Variants in HS3ST4 observed in about 807,000 individuals in gnomAD.
HS3ST4 encodes the protein heparan sulfate glucosamine 3-O-sulfotransferase 4.
A neutral mutation model predicts 29.2 loss-of-function variants in HS3ST4; 17 were observed. The observed-to-expected ratio is 0.58, with a 90% CI of 0.40 to 0.87. The LOEUF is 0.87. HS3ST4 is among the 40% of genes least tolerant of loss of function. The probability of loss-of-function intolerance (pLI) is 0.00; values close to 1 mark genes in which losing one functional copy is unlikely to be tolerated. For synonymous variants in HS3ST4, 314 were observed against 285.7 expected (o/e 1.10, Z -1.00); for missense variants, 627 against 634.5 (o/e 0.99, Z 0.13).
At chr16:26,092,657 C>A (rs1898871057) in intron 1 of HS3ST4, among the ~76,000 whole-genome samples, 1 of 152,190 alleles carries the variant, frequency 6.6e-6, no homozygotes, top group African/African-American at 2.4e-5. Flanking sequence ...CTCCGGTCTG[C>A]AGCTCCCAGT....
At chr16:26,007,331 G>A (rs1015465046) in intron 1 of HS3ST4, among the ~76,000 whole-genome samples, 1 of 152,096 alleles carries the variant, frequency 6.6e-6, no homozygotes, top group Non-Finnish European at 1.5e-5. Flanking sequence ...TTTAAATTTT[G>A]CAAAACAGGA....
Position 25,933,326 on chromosome 16 carries a change from T to C in HS3ST4, c.735-202286T>C, listed in dbSNP as rs188001035. ...GATTAGAAAAGGTTAGTTTCTCTAA[T>C]TCTCTAACACTCTTCCTGGTGATAA... is the stretch of plus-strand genomic sequence containing the variant. On this transcript the variant is annotated intron_variant, in intron 1 of 1. Transcript: ENST00000331351. 5.0e-4 allele frequency: 252 copies of C among 507,088 alleles called. 1 individual carries two copies. The Middle Eastern group carries it at 7.4e-3, about 15-fold the overall frequency. The allele number at this position is 507,088 out of a possible 1,614,324, so 31.4% of individuals were successfully genotyped here.
intron 1 of HS3ST4, among the ~76,000 whole-genome samples, chr16:25,828,568 T>C (rs1434561804): frequency 6.6e-6 from 1 of 151,856 alleles, no homozygotes. Context: ...CTCGATCTCC[T>C]GGGCTCAAGC....
At chr16:26,060,492 TAC>T (rs1187517901) in intron 1 of HS3ST4, among the ~76,000 whole-genome samples, 11 of 152,174 alleles carry the variant, frequency 7.2e-5, no homozygotes, top group Non-Finnish European at 2.9e-5. Context: ...CTCAACATTT[TAC>T]AGTCTTCAGA....
chr16:26,055,404 T>C (rs1019818422), intron 1 of HS3ST4, among the ~76,000 whole-genome samples: 1 of 152,056 alleles, frequency 6.6e-6, no homozygotes, highest in East Asian at 1.9e-4. Flanking sequence ...ATTAGGAAGA[T>C]CTGGGCACTA....
chr16:26,113,311 C>A (rs1166294161), intron 1 of HS3ST4, among the ~76,000 whole-genome samples: 1 of 151,472 alleles, frequency 6.6e-6, no homozygotes, highest in Non-Finnish European at 1.5e-5. Flanking sequence ...CTGGGTGTAG[C>A]GGCGGGCACC....
intron 1 of HS3ST4, among the ~76,000 whole-genome samples, chr16:26,121,505 A>G (rs1392556910): frequency 1.3e-5 from 2 of 152,176 alleles, no homozygotes; most frequent in African/African-American, 4.8e-5. Context: ...ACTCAGACCC[A>G]TAGAAGGGTG....
chr16:25,781,345 G>A (rs972222445), intron 1 of HS3ST4, among the ~76,000 whole-genome samples: 1 of 152,130 alleles, frequency 6.6e-6, no homozygotes, highest in African/African-American at 2.4e-5. Flanking sequence ...AGTTGCTAGA[G>A]GTCCCTCATC....
intron 1 of HS3ST4, among the ~76,000 whole-genome samples, chr16:25,727,647 C>T (rs1966545548): frequency 6.6e-6 from 1 of 152,134 alleles, no homozygotes; most frequent in South Asian, 2.1e-4. Flanking sequence ...TACAATGCCC[C>T]ATTCACTTCC....
At chr16:25,818,464 G>A (rs1450078553) in intron 1 of HS3ST4, among the ~76,000 whole-genome samples, 1 of 152,166 alleles carries the variant, frequency 6.6e-6, no homozygotes, top group African/African-American at 2.4e-5. Context: ...TTGTTTAAAA[G>A]CTACTCAGTT....
chr16:26,096,330 A>G (rs1040109275), intron 1 of HS3ST4, among the ~76,000 whole-genome samples: 7 of 152,348 alleles, frequency 4.6e-5, no homozygotes, highest in East Asian at 1.9e-4. Context: ...ATAAATATCA[A>G]TGCAAAAATC....
At chr16:25,829,352 G>A (rs1967270609) in intron 1 of HS3ST4, among the ~76,000 whole-genome samples, 2 of 152,224 alleles carry the variant, frequency 1.3e-5, no homozygotes, top group African/African-American at 4.8e-5. Flanking sequence ...TATCAGGGCA[G>A]AGTAGGCACA....
chr16:25,696,432 C>A (rs565992960), intron 1 of HS3ST4, among the ~76,000 whole-genome samples: 1 of 152,192 alleles, frequency 6.6e-6, no homozygotes, highest in African/African-American at 2.4e-5. Flanking sequence ...ATACGGTAAC[C>A]ATGACCACTT....
intron 1 of HS3ST4, among the ~76,000 whole-genome samples, chr16:25,877,084 C>G (rs963549505): frequency 6.6e-6 from 1 of 151,884 alleles, no homozygotes; most frequent in Non-Finnish European, 1.5e-5. Context: ...AATTTTATTT[C>G]CTGCATCTTT....
At chr16:26,086,500 C>T (rs1280209755) in intron 1 of HS3ST4, among the ~76,000 whole-genome samples, 1 of 152,104 alleles carries the variant, frequency 6.6e-6, no homozygotes, top group Non-Finnish European at 1.5e-5. Context: ...CAGTCGCCTG[C>T]CACCATGCCC....
intron 1 of HS3ST4, among the ~76,000 whole-genome samples, chr16:25,830,758 T>C (rs1184224655): frequency 6.6e-6 from 1 of 151,808 alleles, no homozygotes; most frequent in Non-Finnish European, 1.5e-5. Flanking sequence ...CCCCAATTGG[T>C]CTACATCTAT....
At chr16:25,791,540 G>A (rs576097995) in intron 1 of HS3ST4, among the ~76,000 whole-genome samples, 1 of 152,210 alleles carries the variant, frequency 6.6e-6, no homozygotes, top group South Asian at 2.1e-4. Context: ...TTTAGTCTAA[G>A]AATGTGGTAT....
At chr16:25,842,079 C>T (rs1967419703) in intron 1 of HS3ST4, among the ~76,000 whole-genome samples, 1 of 152,182 alleles carries the variant, frequency 6.6e-6, no homozygotes, top group Non-Finnish European at 1.5e-5. Context: ...GTCAATGGCT[C>T]CTTGACATTT....
intron 1 of HS3ST4, among the ~76,000 whole-genome samples, chr16:25,890,437 G>A (rs11641302): frequency 0.77 from 117,029 of 152,134 alleles, 45,260 homozygotes; most frequent in African/African-American, 0.84. Flanking sequence ...GTTCTGGCCA[G>A]TGCATGTCAT....
Sources: allele counts gnomAD v4.1 joint callset (sites outside exome capture counted in the v4.1 genomes callset), GRCh38; gene constraint gnomAD v4.1.1; transcripts MANE v1.5; gene names NCBI Gene and HGNC (gene_info 2026-07-23, HGNC 2026-07-21).